Variants in TIMD4 observed in about 807,000 individuals in gnomAD.
The protein encoded by TIMD4 is T cell immunoglobulin and mucin domain containing 4.
Under a neutral mutation model 41.2 loss-of-function variants are expected in TIMD4, and 31 were observed. The ratio of observed to expected loss-of-function variants is 0.75; its 90% CI spans 0.57 to 1.01. The LOEUF (loss-of-function observed/expected upper bound fraction) is 1.01. TIMD4 is among the 50% of genes least tolerant of loss of function. TIMD4 has a pLI of 0.00. For missense variants in TIMD4, 479 were observed against 472.5 expected (o/e 1.01, Z -0.13); for synonymous variants, 204 against 177.1 (o/e 1.15, Z -1.21).
intron 5 of TIMD4, 26 bp from the exon 6 acceptor site, chr5:156,926,338 G>T (rs755663652): frequency 6.2e-7 from 1 of 1,612,426 alleles, no homozygotes; most frequent in Non-Finnish European, 8.5e-7. Context: ...GAAGAAAATG[G>T]TTATATGTCT....
At chr5:156,945,146 T>C (rs113230918) in intron 5 of TIMD4, among the ~76,000 whole-genome samples, 20 of 152,288 alleles carry the variant, frequency 1.3e-4, no homozygotes, top group African/African-American at 4.6e-4. Flanking sequence ...GATGTAGTCT[T>C]ATTCTGTAAG....
intron 5 of TIMD4, among the ~76,000 whole-genome samples, chr5:156,942,657 C>T (rs114820890): frequency 6.6e-6 from 1 of 152,230 alleles, no homozygotes; most frequent in Non-Finnish European, 1.5e-5. Flanking sequence ...TATCTGCAGA[C>T]CAGCCACCTA....
chr5:156,922,266 C>G, intron 6 of TIMD4, 50 bp from the exon 7 acceptor site: 1 of 1,406,058 alleles, frequency 7.1e-7, no homozygotes, highest in Non-Finnish European at 1.0e-6. Flanking sequence ...TAGATGCCAC[C>G]CTCACAAGAT....
intron 5 of TIMD4, among the ~76,000 whole-genome samples, chr5:156,946,920 G>A (rs1373626469): frequency 6.6e-6 from 1 of 151,872 alleles, no homozygotes; most frequent in Non-Finnish European, 1.5e-5. Context: ...AAGATGGGCC[G>A]GGCAAGGTGG....
In TIMD4 at chr5:156,949,651, C is replaced by G. The variant is rs998029774; in HGVS notation, c.760G>C (p.Glu254Gln). The change falls in exon 4 of 9, where the codon GAG becomes CAG. Residue 254 changes from glutamate to glutamine, a missense_variant and splice_region_variant. Glu to Gln is a conservative substitution (Grantham distance 29). Coordinates refer to ENST00000274532, the MANE Select transcript of TIMD4 (RefSeq NM_138379.3). ...SADTVLLTSK[E>Q]SKVWDLPSTS... is the part of the protein sequence containing the mutation. ...ACAGAGAGAGTGAGTGTCTGCACAC[C>G]TTTGGATGTCAGCAGGACAGTGTCA... The G allele has an allele frequency of 3.2e-5, 51 of 1,610,114 alleles. No individual in the cohort carries two copies. The highest frequency in any genetic ancestry group is 4.2e-5 in the Non-Finnish European group (50 of 1,176,640).
Position 156,940,958 on chromosome 5 carries a change from T to C in TIMD4, c.844+7458A>G, listed in dbSNP as rs1388926701. On this transcript the variant is annotated intron_variant, in intron 5 of 8. Transcript: ENST00000274532. ...GAAGTAGACATAGGAGACTCCATTT[T>C]GTTCTTTACTAAGAAAAATTCTTCT... is the stretch of plus-strand genomic sequence containing the variant. 2.0e-5 allele frequency among the ~76,000 whole-genome samples: 3 copies of C among 152,272 alleles called. No individual in the cohort carries two copies. The South Asian group carries it at 6.2e-4, about 31-fold the overall frequency.
At chr5:156,944,565 C>T (rs372190652) in intron 5 of TIMD4, among the ~76,000 whole-genome samples, 7 of 134,290 alleles carry the variant, frequency 5.2e-5, no homozygotes, top group African/African-American at 1.2e-4. Flanking sequence ...AGTACAGTGG[C>T]GCGATCTCGG....
intron 6 of TIMD4, chr5:156,924,803 G>C (rs1170928608): frequency 1.3e-5 from 2 of 156,506 alleles, no homozygotes; most frequent in African/African-American, 2.4e-5. Context: ...AAAAATAGCA[G>C]AGAAGTCAGT....
intron 6 of TIMD4, among the ~76,000 whole-genome samples, chr5:156,923,776 G>T (rs1437442089): frequency 6.6e-6 from 1 of 151,494 alleles, no homozygotes; most frequent in Non-Finnish European, 1.5e-5. Context: ...GAACTCCTGG[G>T]CTCAAGCAAT....
intron 5 of TIMD4, among the ~76,000 whole-genome samples, chr5:156,940,158 C>T (rs560648041): frequency 6.6e-6 from 1 of 152,364 alleles, no homozygotes; most frequent in South Asian, 2.1e-4. Context: ...GGGTTTCGCC[C>T]TGTTGGCCGG....
At chr5:156,951,928 A>C in intron 2 of TIMD4, 138 bp from the exon 3 acceptor site, 1 of 1,206,188 alleles carries the variant, frequency 8.3e-7, no homozygotes, top group Non-Finnish European at 1.2e-6. Context: ...GCCCAATAAA[A>C]TTGTGTTTCC....
chr5:156,931,746 C>T (rs1018959309), intron 5 of TIMD4, among the ~76,000 whole-genome samples: 7 of 152,160 alleles, frequency 4.6e-5, no homozygotes, highest in Non-Finnish European at 4.4e-5. Context: ...TGGAGTATTG[C>T]CAAGGGCTTG....
rs573989856 is a variant in TIMD4, at chr5:156,926,295, G to C, written c.862C>G (p.Pro288Ala). The change falls in exon 6 of 9, where the codon CCT (proline) becomes GCT (alanine). Residue 288 changes from proline (P) to alanine (A), a missense_variant. Pro to Ala is a conservative substitution (Grantham distance 27). Coordinates refer to ENST00000274532, the MANE Select transcript of TIMD4 (RefSeq NM_138379.3). Reference sequence around the variant, plus strand: ...GTTTTTGTTGTTTTGTTCTGCTCAGGAACTGCTGTATCAGATGCTGGGAAG... The same window carrying C: ...GTTTTTGTTGTTTTGTTCTGCTCAGCAACTGCTGTATCAGATGCTGGGAAG... ...PQPGASDTAV[P>A]EQNKTTKTGQ... The C allele has an allele frequency of 1.9e-6, 3 of 1,613,596 alleles. No individual in the cohort carries two copies. The highest frequency in any genetic ancestry group is 2.2e-5 in the South Asian group (2 of 91,052).
chr5:156,933,921 C>T (rs181579953), intron 5 of TIMD4, among the ~76,000 whole-genome samples: 2 of 152,100 alleles, frequency 1.3e-5, no homozygotes, highest in Non-Finnish European at 2.9e-5. Context: ...GCAAAAACAA[C>T]CCCCATGGTA....
At chr5:156,946,474 C>T (rs1301421468) in intron 5 of TIMD4, among the ~76,000 whole-genome samples, 4 of 151,770 alleles carry the variant, frequency 2.6e-5, no homozygotes, top group African/African-American at 9.7e-5. Context: ...CAACTCTGAG[C>T]TTTTTTTTGT....
chr5:156,931,044 G>A (rs973483156), intron 5 of TIMD4, among the ~76,000 whole-genome samples: 1 of 152,204 alleles, frequency 6.6e-6, no homozygotes, highest in Admixed American at 6.5e-5. Flanking sequence ...CAGAGGATGT[G>A]TGATAAAGGA....
intron 4 of TIMD4, 152 bp downstream of exon 4, chr5:156,949,499 G>T: frequency 1.6e-6 from 1 of 614,736 alleles, no homozygotes; most frequent in Admixed American, 2.4e-5. Flanking sequence ...AAACTACAAA[G>T]GCTGCCTTGA....
chr5:156,940,028 C>T (rs368658115), intron 5 of TIMD4, among the ~76,000 whole-genome samples: 2 of 152,248 alleles, frequency 1.3e-5, no homozygotes, highest in Admixed American at 1.3e-4. Flanking sequence ...ACTGTACTGC[C>T]GCGATCTCGG....
intron 1 of TIMD4, among the ~76,000 whole-genome samples, chr5:156,957,199 GGAAAT>G (rs2113394781): frequency 6.6e-6 from 1 of 152,224 alleles, no homozygotes. Context: ...TTTGCCAAGT[GGAAAT>G]GTTTCCCAGA....
Sources: allele counts gnomAD v4.1 joint callset (sites outside exome capture counted in the v4.1 genomes callset), GRCh38; gene constraint gnomAD v4.1.1; transcripts MANE v1.5; gene names NCBI Gene and HGNC (gene_info 2026-07-23, HGNC 2026-07-21).